The following HOMER2 variants were observed in gnomAD, a reference collection of about 807,000 sequenced individuals.
The protein encoded by HOMER2 is homer protein homolog 2.
HOMER2 carries 27 observed loss-of-function variants against 47.0 expected under a neutral mutation model. The ratio of observed to expected loss-of-function variants is 0.57; its 90% confidence interval spans 0.42 to 0.79. The LOEUF is 0.79. Among genes scored for constraint, HOMER2 ranks in the 30% least tolerant of loss-of-function variants. HOMER2 has a pLI of 0.00. For synonymous variants in HOMER2, 161 were observed against 163.8 expected, an observed-to-expected ratio of 0.98 and a Z score of 0.13; for missense variants, 443 against 435.0, an observed-to-expected ratio of 1.02 and a Z score of -0.16.
intron 1 of HOMER2, among the ~76,000 whole-genome samples, chr15:82,959,683 A>G (rs1212233358): frequency 1.3e-5 from 2 of 152,188 alleles, no homozygotes; most frequent in African/African-American, 4.8e-5. Flanking sequence ...GGCATCGGCA[A>G]TCCTTTAAAC....
chr15:82,903,948 C>T (rs1440959457), intron 1 of HOMER2, among the ~76,000 whole-genome samples: 3 of 152,092 alleles, frequency 2.0e-5, no homozygotes, highest in South Asian at 2.1e-4. Context: ...ACCAGGCTGG[C>T]CAACACAGCA....
intron 2 of HOMER2, among the ~76,000 whole-genome samples, chr15:82,881,103 G>A (rs2052507339): frequency 6.6e-6 from 1 of 152,212 alleles, no homozygotes; most frequent in African/African-American, 2.4e-5. Flanking sequence ...CTTCATACAG[G>A]CTCCCATCTC....
At chr15:82,963,567 C>T (rs954133141) in intron 1 of HOMER2, among the ~76,000 whole-genome samples, 3 of 152,216 alleles carry the variant, frequency 2.0e-5, no homozygotes, top group African/African-American at 7.2e-5. Flanking sequence ...GTATGAATCA[C>T]ACAGGCATCC....
chr15:82,973,162 A>G (rs1284400548), intron 1 of HOMER2, among the ~76,000 whole-genome samples: 1 of 152,212 alleles, frequency 6.6e-6, no homozygotes, highest in Non-Finnish European at 1.5e-5. Context: ...CCTTGCTTCA[A>G]TCAAAACCAC....
At chr15:82,932,513 G>A (rs1335051439) in intron 1 of HOMER2, among the ~76,000 whole-genome samples, 1 of 149,184 alleles carries the variant, frequency 6.7e-6, no homozygotes, top group Non-Finnish European at 1.5e-5. Flanking sequence ...AAAAAAAAAA[G>A]AAAAAAGAAA....
intron 1 of HOMER2, among the ~76,000 whole-genome samples, chr15:82,984,250 T>C (rs891339724): frequency 6.6e-6 from 1 of 151,786 alleles, no homozygotes; most frequent in Non-Finnish European, 1.5e-5. Flanking sequence ...GCCAGGATGG[T>C]CTTGATCTCC....
rs763903600 is a variant in HOMER2, at chr15:82,875,255, T to A, written c.294+18A>T. The A allele has an allele frequency of 6.2e-7, 1 of 1,612,418 alleles. No homozygotes were observed. The highest frequency in any genetic ancestry group is 8.5e-7 in the Non-Finnish European group (1 of 1,179,578). On this transcript the variant is annotated intron_variant, in intron 3 of 8. Coordinates refer to ENST00000450735, the MANE Select transcript of HOMER2 (RefSeq NM_004839.4). ...ATCTGATGCGGGATTTACTGCACTG[T>A]GGATAGGACCAAGTTACCTTTGTCA...
At chr15:82,860,220 G>C (rs556794883) in intron 4 of HOMER2, among the ~76,000 whole-genome samples, 125 of 152,176 alleles carry the variant, frequency 8.2e-4, no homozygotes, top group Non-Finnish European at 1.4e-3. Flanking sequence ...TGGGCAACAA[G>C]AGGGAAACTC....
intron 3 of HOMER2, among the ~76,000 whole-genome samples, chr15:82,872,602 C>T (rs770296201): frequency 1.3e-5 from 2 of 152,184 alleles, no homozygotes; most frequent in Admixed American, 6.5e-5. Flanking sequence ...CACGACTGGA[C>T]CTTAGCAGCC....
intron 1 of HOMER2, among the ~76,000 whole-genome samples, chr15:82,914,757 T>C (rs571379182): frequency 6.6e-6 from 1 of 152,306 alleles, no homozygotes; most frequent in African/African-American, 2.4e-5. Flanking sequence ...TGGGAGCAAC[T>C]CCTGGTGAGG....
chr15:82,972,902 G>C (rs2030046435), intron 1 of HOMER2, among the ~76,000 whole-genome samples: 1 of 152,164 alleles, frequency 6.6e-6, no homozygotes, highest in Non-Finnish European at 1.5e-5. Context: ...CTTTGGATCT[G>C]GTGGACATCT....
chr15:82,939,546 T>C (rs114563075), intron 1 of HOMER2, among the ~76,000 whole-genome samples: 2,087 of 152,296 alleles, frequency 0.014, 50 homozygotes, highest in African/African-American at 0.048. Flanking sequence ...GGTGCAAACC[T>C]GTAGTCCCAA....
intron 1 of HOMER2, among the ~76,000 whole-genome samples, chr15:82,933,241 C>T (rs918995476): frequency 6.6e-6 from 1 of 152,082 alleles, no homozygotes; most frequent in African/African-American, 2.4e-5. Context: ...AAGAACCCTT[C>T]CTTGAGATGA....
At chr15:82,867,058 TGAGG>T (rs1340471369) in intron 3 of HOMER2, among the ~76,000 whole-genome samples, 4 of 152,126 alleles carry the variant, frequency 2.6e-5, no homozygotes, top group Non-Finnish European at 5.9e-5. Flanking sequence ...CAGAAATTAA[TGAGG>T]AAGATTATTC....
At chr15:82,840,613 C>G (rs1368026485) in exon 2 of HOMER2, 1 of 152,078 alleles carries the variant, frequency 6.6e-6, no homozygotes, top group Non-Finnish European at 1.5e-5. Flanking sequence ...ACCACCATGC[C>G]TAGCTAATTT....
chr15:82,849,926 G>A (rs373450102), intron 8 of HOMER2, 23 bp from the exon 9 acceptor site: 1 of 1,607,920 alleles, frequency 6.2e-7, no homozygotes, highest in South Asian at 1.1e-5. Context: ...AAGGGAGAAG[G>A]GTCTAGAAAA....
chr15:82,952,150 G>A, intron 1 of HOMER2: 1 of 632,910 alleles, frequency 1.6e-6, no homozygotes, highest in Non-Finnish European at 2.0e-6. Flanking sequence ...AAATCCAAAC[G>A]TGGAGAACGA....
chr15:82,889,862 G>C lies in HOMER2; in HGVS notation c.162+2823C>G, dbSNP rs536885299. Reference sequence around the variant, plus strand: ...TGCATTGGGACCACTTTCCAGTGCAGTGTGGTCAGGTTCTCCAGACAGGAT... The same window carrying C: ...TGCATTGGGACCACTTTCCAGTGCACTGTGGTCAGGTTCTCCAGACAGGAT... On this transcript the variant is annotated intron_variant, in intron 2 of 8. Transcript: ENST00000450735. Among the ~76,000 whole-genome samples, 7 of 152,300 alleles carry C rather than the reference G, an allele frequency of 4.6e-5. No homozygotes were observed. The South Asian group carries it at 1.5e-3, about 32-fold the overall frequency.
intron 1 of HOMER2, among the ~76,000 whole-genome samples, chr15:82,969,881 C>T (rs781297579): frequency 6.6e-6 from 1 of 152,150 alleles, no homozygotes; most frequent in Non-Finnish European, 1.5e-5. Context: ...GGAAAATTAA[C>T]TTAAATAGAA....
Sources: allele counts gnomAD v4.1 joint callset (sites outside exome capture counted in the v4.1 genomes callset), GRCh38; gene constraint gnomAD v4.1.1; transcripts MANE v1.5; gene names NCBI Gene and HGNC (gene_info 2026-07-23, HGNC 2026-07-21).